ARHGAP35: variants seen among roughly 807,000 people sequenced by gnomAD.
ARHGAP35 encodes the protein Rho GTPase activating protein 35, also known as rho GTPase-activating protein 35.
A neutral mutation model predicts 111.1 loss-of-function variants in ARHGAP35; 15 were observed. The ratio of observed to expected loss-of-function variants is 0.13; its 90% confidence interval spans 0.09 to 0.21. The LOEUF is 0.21. Among genes scored for constraint, ARHGAP35 ranks in the 10% least tolerant of loss-of-function variants. ARHGAP35 has a pLI of 1.00. For missense variants in ARHGAP35, 1,262 were observed against 1,873.0 expected, an observed-to-expected ratio of 0.67 and a Z score of 6.02; for synonymous variants, 643 against 710.3, an observed-to-expected ratio of 0.91 and a Z score of 1.51.
chr19:46,921,792 G>T lies in ARHGAP35; in HGVS notation c.3117G>T (p.Pro1039=), dbSNP rs370042675. ...FESKLNNKVP[P]PVKPKPPVHF... is the part of the protein sequence containing the mutation. ...GTAAACTGAACAACAAAGTACCTCCGCCAGTCAAACCAAAGCCTCCTGTCC... is the reference window on the plus strand; with the variant it reads ...GTAAACTGAACAACAAAGTACCTCCTCCAGTCAAACCAAAGCCTCCTGTCC... The change falls in exon 2 of 7, where the codon CCG becomes CCT. Residue 1039 remains proline, a synonymous_variant. Transcript: ENST00000672722. The surrounding 1 kb of genome is among the most constrained non-coding windows in gnomAD (Gnocchi z 4.3). 4 of 1,613,896 alleles carry T rather than the reference G, an allele frequency of 2.5e-6. No individual in the cohort carries two copies. Among genetic ancestry groups the T allele is most frequent in the South Asian group, 2.2e-5 (2 of 91,064 alleles).
chr19:46,893,329 C>T (rs895217795), intron 1 of ARHGAP35, among the ~76,000 whole-genome samples: 1 of 152,126 alleles, frequency 6.6e-6, no homozygotes, highest in South Asian at 2.1e-4. Flanking sequence ...TCGGGTTGGA[C>T]TTTTTGAACA....
In ARHGAP35 at chr19:46,922,751, T is replaced by G. The variant is rs543060548; in HGVS notation, c.3681+395T>G. Among the ~76,000 whole-genome samples, 1 of 152,292 alleles carries G rather than the reference T, an allele frequency of 6.6e-6. No homozygotes were observed. The highest frequency in any genetic ancestry group is 1.9e-4 in the East Asian group (1 of 5,182). ...AAACATAACATTTCATCCATACATC[T>G]CTTAAATGATCCTTCCTCCCTTGCT... On this transcript the variant is annotated intron_variant, in intron 2 of 6. Coordinates refer to ENST00000672722, the MANE Select transcript of ARHGAP35 (RefSeq NM_004491.5). The surrounding 1 kb of genome is among the most constrained non-coding windows in gnomAD (Gnocchi z 4.0).
In ARHGAP35 at chr19:46,897,825, C is replaced by T. The variant is rs1056396325; in HGVS notation, c.-188-20663C>T. Among the ~76,000 whole-genome samples the T allele has an allele frequency of 9.9e-5, 15 of 152,146 alleles. 1 individual carries two copies. Among genetic ancestry groups the T allele is most frequent in the Admixed American group, 9.2e-4 (14 of 15,274 alleles). ...TTGAACTTCTTCCACCTTCCCTCACCAGTGGCTACATTTCAGGGCTGAAAG... is the reference window on the plus strand; with the variant it reads ...TTGAACTTCTTCCACCTTCCCTCACTAGTGGCTACATTTCAGGGCTGAAAG... On this transcript the variant is annotated intron_variant, in intron 1 of 6. Coordinates refer to ENST00000672722, the MANE Select transcript of ARHGAP35 (RefSeq NM_004491.5).
intron 3 of ARHGAP35, among the ~76,000 whole-genome samples, chr19:46,942,315 A>C (rs1318837528): frequency 6.6e-6 from 1 of 152,094 alleles, no homozygotes; most frequent in African/African-American, 2.4e-5. Flanking sequence ...AGCTTTCAAC[A>C]TTTTTTTAAC....
chr19:46,920,094 C>T lies in ARHGAP35; in HGVS notation c.1419C>T (p.Tyr473=), dbSNP rs779272017. Residue 473 remains tyrosine, a synonymous_variant, in exon 2 of 7, where the codon TAC becomes TAT. Coordinates refer to ENST00000672722, the MANE Select transcript of ARHGAP35 (RefSeq NM_004491.5). The surrounding 1 kb of genome is among the most constrained non-coding windows in gnomAD (Gnocchi z 7.0). ...DFYQWLEESV[Y]MDIYGKHQKQ... is the part of the protein sequence containing the mutation. ...ACCAGTGGCTGGAGGAATCTGTATA[C>T]ATGGATATTTATGGCAAACACCAAA... 5 of 1,613,878 alleles carry T rather than the reference C, an allele frequency of 3.1e-6. No homozygotes were observed. The East Asian group carries it at 1.1e-4, about 36-fold the overall frequency.
intron 1 of ARHGAP35, among the ~76,000 whole-genome samples, chr19:46,911,554 G>C (rs531786466): frequency 2.6e-5 from 4 of 152,306 alleles, no homozygotes; most frequent in South Asian, 2.1e-4. Context: ...TGTATAACTA[G>C]ATCTATCAAA....
At chr19:46,883,163 C>T (rs1413237197) in intron 1 of ARHGAP35, among the ~76,000 whole-genome samples, 5 of 151,912 alleles carry the variant, frequency 3.3e-5, no homozygotes, top group Non-Finnish European at 5.9e-5. Flanking sequence ...GGCACGATCT[C>T]GGCTCACTGC....
intron 3 of ARHGAP35, among the ~76,000 whole-genome samples, chr19:46,962,442 A>G (rs2056489445): frequency 6.6e-6 from 1 of 152,234 alleles, no homozygotes; most frequent in East Asian, 1.9e-4. Context: ...GGAGAGTCTC[A>G]GAGCCAGCTC....
At chr19:46,971,436 TG>T (rs2056548477) in intron 3 of ARHGAP35, among the ~76,000 whole-genome samples, 1 of 151,616 alleles carries the variant, frequency 6.6e-6, no homozygotes, top group African/African-American at 2.4e-5. Flanking sequence ...GACAAACTTC[TG>T]GGGGGTATCA....
At chr19:46,907,720 G>T (rs1399418586) in intron 1 of ARHGAP35, among the ~76,000 whole-genome samples, 3 of 151,774 alleles carry the variant, frequency 2.0e-5, no homozygotes, top group Non-Finnish European at 2.9e-5. Context: ...CTCGTGATCC[G>T]CCCGCCTCTG....
At chr19:46,895,015 CT>C (rs1371955175) in intron 1 of ARHGAP35, among the ~76,000 whole-genome samples, 2 of 152,078 alleles carry the variant, frequency 1.3e-5, no homozygotes. Context: ...AGGAAAGGTA[CT>C]TTTCCTGAAG....
chr19:46,909,999 A>G (rs902796439), intron 1 of ARHGAP35, among the ~76,000 whole-genome samples: 1 of 152,110 alleles, frequency 6.6e-6, no homozygotes, highest in East Asian at 1.9e-4. Flanking sequence ...TATAATTGCT[A>G]TATTCAAATG....
intron 1 of ARHGAP35, among the ~76,000 whole-genome samples, chr19:46,862,872 C>CT (rs2055836355): frequency 6.6e-6 from 1 of 152,140 alleles, no homozygotes; most frequent in South Asian, 2.1e-4. Flanking sequence ...TGTTCTGCCT[C>CT]TTGTCTTCTT....
At position 46,920,538 on chromosome 19, in the gene ARHGAP35, A is replaced by T. The variant is rs374629791; in HGVS notation, c.1863A>T (p.Thr621=). ...ELANEIRALC[T]NDDKYVIDGK... is the part of the protein sequence containing the mutation. ...CCAATGAGATTCGAGCTCTTTGTAC[A>T]AATGATGACAAGTATGTGATAGATG... is the stretch of plus-strand genomic sequence containing the variant. The change falls in exon 2 of 7, where the codon ACA becomes ACT. Residue 621 remains threonine, a synonymous_variant. Transcript: ENST00000672722. The surrounding 1 kb of genome is among the most constrained non-coding windows in gnomAD (Gnocchi z 7.0). 134 of 1,613,898 alleles carry T rather than the reference A, an allele frequency of 8.3e-5. No individual in the cohort carries two copies. The highest frequency in any genetic ancestry group is 1.1e-4 in the Non-Finnish European group (128 of 1,179,860).
intron 1 of ARHGAP35, among the ~76,000 whole-genome samples, chr19:46,895,481 C>G (rs935478207): frequency 6.6e-6 from 1 of 152,186 alleles, no homozygotes; most frequent in African/African-American, 2.4e-5. Context: ...AATCTTATAG[C>G]ATCTTATCCC....
intron 1 of ARHGAP35, among the ~76,000 whole-genome samples, chr19:46,882,432 C>T (rs761178213): frequency 2.6e-5 from 4 of 152,156 alleles, no homozygotes; most frequent in Non-Finnish European, 5.9e-5. Context: ...GCCACTACAC[C>T]CTGCCAAAAC....
chr19:46,920,170 T>C lies in ARHGAP35; in HGVS notation c.1495T>C (p.Tyr499His), dbSNP rs924241846. 1.2e-6 allele frequency: 2 copies of C among 1,613,950 alleles called. No homozygotes were observed. The highest frequency in any genetic ancestry group is 1.7e-5 in the Admixed American group (1 of 60,008). ...AGAATTTCAGGAGTTGCTTTTGGAA[T>C]ATTCAGAATTGTTTTATGAACTGGA... ...KEEFQELLLEYSELFYELELD... is the reference protein window; with the variant it reads ...KEEFQELLLEHSELFYELELD... The change falls in exon 2 of 7, where the codon TAT (tyrosine) becomes CAT (histidine). Residue 499 changes from tyrosine to histidine, a missense_variant. Tyr to His is a moderately conservative substitution (Grantham distance 83). Coordinates refer to ENST00000672722, the MANE Select transcript of ARHGAP35 (RefSeq NM_004491.5). The surrounding 1 kb of genome is among the most constrained non-coding windows in gnomAD (Gnocchi z 7.0).
rs756982136 is a variant in ARHGAP35 at position 46,922,032 on chromosome 19, T to C, written c.3357T>C (p.Ile1119=). The change falls in exon 2 of 7, where the codon ATT becomes ATC. Residue 1119 remains isoleucine, a synonymous_variant. Coordinates refer to ENST00000672722, the MANE Select transcript of ARHGAP35 (RefSeq NM_004491.5). The surrounding 1 kb of genome is among the most constrained non-coding windows in gnomAD (Gnocchi z 4.0). The part of the protein sequence containing the change: ...HDSTQGKIIT[I]RNINKAQSNG... ...GCACCCAAGGCAAAATCATCACCAT[T>C]CGGAATATCAACAAAGCCCAGTCCA... 3.1e-6 allele frequency: 5 copies of C among 1,613,858 alleles called. No individual in the cohort carries two copies. The South Asian group carries it at 5.5e-5, about 18-fold the overall frequency.
chr19:46,965,196 C>G (rs2056506618), intron 3 of ARHGAP35, among the ~76,000 whole-genome samples: 1 of 152,074 alleles, frequency 6.6e-6, no homozygotes, highest in Non-Finnish European at 1.5e-5. Context: ...GCCTGTAATC[C>G]CAGCTACTCA....
Sources: gnomAD v4.1 joint callset for allele counts (sites outside exome capture counted in the v4.1 genomes callset) on GRCh38, gnomAD v4.1.1 for gene constraint, Gnocchi (gnomAD v3.1) non-coding constraint, MANE v1.5 for transcripts, NCBI Gene and HGNC (gene_info 2026-07-23, HGNC 2026-07-21) for gene names.